ZNF230: variants seen among roughly 807,000 people sequenced by gnomAD.
ZNF230 encodes the protein zinc finger protein FDZF2.
A neutral mutation model predicts 10.0 loss-of-function variants in ZNF230; 12 were observed. The observed-to-expected ratio is 1.20, with a 90% CI of 0.77 to 1.95. The LOEUF (loss-of-function observed/expected upper bound fraction) is 1.95. ZNF230 is among the 30% of genes most tolerant of loss of function. ZNF230 has a pLI of 0.00. For missense variants in ZNF230, 532 were observed against 565.8 expected (o/e 0.94, Z 0.61); for synonymous variants, 174 against 193.6 (o/e 0.90, Z 0.84).
At position 44,012,470 on chromosome 19, in the gene ZNF230, C is replaced by G. The variant is rs1223066303; in HGVS notation, c.*1006C>G. Reference sequence around the variant, plus strand: ...TGTTTCACCATAGCTCAGCATTCTCCCATCATCCTAGGACCATCGTAGTAG... The same window carrying G: ...TGTTTCACCATAGCTCAGCATTCTCGCATCATCCTAGGACCATCGTAGTAG... On this transcript the variant is annotated 3_prime_UTR_variant, in exon 5 of 5. Coordinates refer to ENST00000429154, the MANE Select transcript of ZNF230 (RefSeq NM_006300.4). 2 of 518,986 alleles carry G rather than the reference C, an allele frequency of 3.9e-6. No homozygotes were observed. Among genetic ancestry groups the G allele is most frequent in the Non-Finnish European group, 7.7e-6 (2 of 259,854 alleles). 32.1% of individuals were successfully genotyped at this position (518,986 alleles called of 1,614,324 possible).
At position 44,013,826 on chromosome 19, in the gene ZNF230, A is replaced by G. The variant is rs1753392882; in HGVS notation, c.*2362A>G. 1 of 152,234 alleles carries G rather than the reference A, an allele frequency of 6.6e-6. No individual in the cohort carries two copies. The highest frequency in any genetic ancestry group is 1.5e-5 in the Non-Finnish European group (1 of 68,042). The allele number at this position is 152,234 out of a possible 1,614,324, so 9.4% of individuals were successfully genotyped here. On this transcript the variant is annotated 3_prime_UTR_variant, in exon 5 of 5. Coordinates refer to ENST00000429154, the MANE Select transcript of ZNF230 (RefSeq NM_006300.4). The stretch of plus-strand genomic sequence containing the variant: ...TTCTCAGTGAACATCAGTTTTATCA[A>G]AGCAGTAAATTTAGTGCAATAAATT...
At chr19:44,008,429 G>A (rs1240050853) in intron 2 of ZNF230, among the ~76,000 whole-genome samples, 2 of 152,186 alleles carry the variant, frequency 1.3e-5, no homozygotes. Flanking sequence ...GGGTCTGAGA[G>A]AGGAGGACAA....
intron 2 of ZNF230, 98 bp downstream of exon 2, chr19:44,007,191 G>T: frequency 8.3e-7 from 1 of 1,205,196 alleles, no homozygotes; most frequent in Non-Finnish European, 1.2e-6. Flanking sequence ...GGAGGAAATG[G>T]GCATTTGGGA....
At chr19:44,005,331 G>A (rs375843602) in intron 1 of ZNF230, among the ~76,000 whole-genome samples, 60 of 152,160 alleles carry the variant, frequency 3.9e-4, no homozygotes, top group African/African-American at 1.3e-3. Flanking sequence ...GCTGATTATG[G>A]CTTTCTGCAG....
Position 44,011,728 on chromosome 19 carries a change from C to A in ZNF230, c.*264C>A. On this transcript the variant is annotated 3_prime_UTR_variant, in exon 5 of 5. Coordinates refer to ENST00000429154, the MANE Select transcript of ZNF230 (RefSeq NM_006300.4). ...CTTGTTACCCAATCTTTGGCTATCTCACCTAACCCCTACACTTCCCTGCTT... is the reference window on the plus strand; with the variant it reads ...CTTGTTACCCAATCTTTGGCTATCTAACCTAACCCCTACACTTCCCTGCTT... 1 of 354,396 alleles carries A rather than the reference C, an allele frequency of 2.8e-6. No homozygotes were observed. The highest frequency in any genetic ancestry group is 5.2e-6 in the Non-Finnish European group (1 of 192,646). The allele number at this position is 354,396 out of a possible 1,614,324, so 22.0% of individuals were successfully genotyped here. A position where few individuals can be genotyped will look rare whatever the true frequency, so the allele number is the denominator to read the frequency against.
rs996342839 is a variant in ZNF230 at position 44,010,977 on chromosome 19, G to A, written c.938G>A (p.Cys313Tyr). 6.2e-7 allele frequency: 1 copy of A among 1,614,212 alleles called. No homozygotes were observed. The highest frequency in any genetic ancestry group is 8.5e-7 in the Non-Finnish European group (1 of 1,180,032). Reference sequence around the variant, plus strand: ...GAGAAACTGTACAAATCTGAGGAGTGTGGAAAAGGCTTCACTGATAGCCTA... The same window carrying A: ...GAGAAACTGTACAAATCTGAGGAGTATGGAAAAGGCTTCACTGATAGCCTA... Reference protein sequence around the residue: ...TAEKLYKSEECGKGFTDSLDL... With the variant: ...TAEKLYKSEEYGKGFTDSLDL... Residue 313 changes from cysteine (C) to tyrosine (Y), a missense_variant, in exon 5 of 5, where the codon TGT becomes TAT. Cys to Tyr is a radical substitution (Grantham distance 194). Transcript: ENST00000429154.
intron 1 of ZNF230, chr19:44,004,725 C>CAAAAAAAAAAAAAA (rs754318339): frequency 1.6e-5 from 1 of 63,062 alleles, no homozygotes; most frequent in African/African-American, 5.9e-5. Flanking sequence ...GAGTGAGACT[C>CAAAAAAAAAAAAAA]AAAAAAAAAA....
chr19:44,010,219 CCAAA>C (rs1976161923), intron 4 of ZNF230, 46 bp from the exon 5 acceptor site: 1 of 1,502,116 alleles, frequency 6.7e-7, no homozygotes. Flanking sequence ...CTTAAAAACA[CCAAA>C]CAAAGGCTTC....
At chr19:44,007,150 A>T in intron 2 of ZNF230, 57 bp downstream of exon 2, 2 of 1,564,354 alleles carry the variant, frequency 1.3e-6, no homozygotes. Context: ...TCATATTGTC[A>T]TATATTTTTC....
intron 2 of ZNF230, among the ~76,000 whole-genome samples, chr19:44,008,456 A>T (rs905236917): frequency 2.0e-5 from 3 of 152,206 alleles, no homozygotes; most frequent in Admixed American, 2.0e-4. Context: ...TCATCAAACA[A>T]GGTTGAGACT....
At chr19:44,005,703 A>G (rs745326991) in intron 1 of ZNF230, among the ~76,000 whole-genome samples, 3 of 152,168 alleles carry the variant, frequency 2.0e-5, no homozygotes, top group Non-Finnish European at 2.9e-5. Context: ...AGCCTGGCCA[A>G]CATGGTGACA....
In ZNF230 at chr19:44,009,270, A is replaced by C; in HGVS notation, c.229+100A>C. 6.8e-6 allele frequency: 9 copies of C among 1,317,930 alleles called. No homozygotes were observed. The South Asian group carries it at 1.2e-4, about 17-fold the overall frequency. The allele number at this position is 1,317,930 out of a possible 1,614,324, so 81.6% of individuals were successfully genotyped here. On this transcript the variant is annotated intron_variant, in intron 4 of 4. Coordinates refer to ENST00000429154, the MANE Select transcript of ZNF230 (RefSeq NM_006300.4). ...TATATCACCCTGATCTAAATTGCCC[A>C]ATCTCTTTCCTGGTTTATTACAACC... is the stretch of plus-strand genomic sequence containing the variant.
chr19:44,009,154 A>C lies in ZNF230; in HGVS notation c.213A>C (p.Gln71His). ...TTTGGATGATGGAGACAGCAACCCA[A>C]AGAGAAGGAAATTCAGGTAAGAAGC... ...EKFWMMETAT[Q>H]REGNSGGKTI... The change falls in exon 4 of 5, where the codon CAA becomes CAC. Residue 71 changes from glutamine (Q) to histidine (H), a missense_variant. Gln to His is a conservative substitution (Grantham distance 24). Coordinates refer to ENST00000429154, the MANE Select transcript of ZNF230 (RefSeq NM_006300.4). 1 of 1,614,212 alleles carries C rather than the reference A, an allele frequency of 6.2e-7. No homozygotes were observed. The highest frequency in any genetic ancestry group is 1.3e-5 in the African/African-American group (1 of 75,050).
intron 1 of ZNF230, among the ~76,000 whole-genome samples, chr19:44,004,914 G>T (rs1330744137): frequency 2.0e-5 from 3 of 151,214 alleles, no homozygotes; most frequent in Non-Finnish European, 4.4e-5. Flanking sequence ...TCAGGAGATC[G>T]AGACCATCCT....
At chr19:44,006,739 G>T in intron 1 of ZNF230, 1 of 197,164 alleles carries the variant, frequency 5.1e-6, no homozygotes, top group Admixed American at 5.9e-5. Context: ...TTGGTGACTG[G>T]CTTCTTTCTC....
At chr19:44,007,144 A>C in intron 2 of ZNF230, 51 bp downstream of exon 2, 1 of 1,569,634 alleles carries the variant, frequency 6.4e-7, no homozygotes, top group Non-Finnish European at 8.7e-7. Context: ...TATTGCTCAT[A>C]TTGTCATATA....
In ZNF230 at chr19:44,010,614, G is replaced by GA. The variant is rs759341425; in HGVS notation, c.576dup (p.Glu193ArgfsTer5). ...CGTATTCACCAGAGAGTTCACTTGA[G>GA]AGAGAAACTCTCTAAGTGTGACATG... On this transcript the variant is annotated frameshift_variant, in exon 5 of 5. Transcript: ENST00000429154. LOFTEE classifies it low-confidence loss of function (END_TRUNC). The GA allele has an allele frequency of 6.2e-7, 1 of 1,614,242 alleles. No homozygotes were observed. The highest frequency in any genetic ancestry group is 1.1e-5 in the South Asian group (1 of 91,086).
rs140033951 is a variant in ZNF230, at chr19:44,009,191, T to C, written c.229+21T>C. ...TTCAGGTAAGAAGCAAGCAACTGTGTGTCCTTGTACATGACTTTCTTTCCC... is the reference window on the plus strand; with the variant it reads ...TTCAGGTAAGAAGCAAGCAACTGTGCGTCCTTGTACATGACTTTCTTTCCC... On this transcript the variant is annotated intron_variant, in intron 4 of 4. Coordinates refer to ENST00000429154, the MANE Select transcript of ZNF230 (RefSeq NM_006300.4). 354 of 1,611,488 alleles carry C rather than the reference T, an allele frequency of 2.2e-4. 1 individual carries two copies. In the African/African-American group the frequency reaches 4.2e-3, roughly 19 times the overall value.
rs1034684040 is a variant in ZNF230, at chr19:44,012,737, A to G, written c.*1273A>G. ...AAATGACTCAAAAGGAGAAAATATG[A>G]TATTTTAAAATTGCATCTAGGAGAG... On this transcript the variant is annotated 3_prime_UTR_variant, in exon 5 of 5. Transcript: ENST00000429154. 1.5e-5 allele frequency: 3 copies of G among 194,140 alleles called. No homozygotes were observed. Among genetic ancestry groups the G allele is most frequent in the Admixed American group, 6.2e-5 (1 of 16,166 alleles). The allele number at this position is 194,140 out of a possible 1,614,324, so 12.0% of individuals were successfully genotyped here.
Sources: gnomAD v4.1 joint callset for allele counts (sites outside exome capture counted in the v4.1 genomes callset) on GRCh38, gnomAD v4.1.1 for gene constraint, MANE v1.5 for transcripts, NCBI Gene and HGNC (gene_info 2026-07-23, HGNC 2026-07-21) for gene names.